Variants in CAST observed in about 807,000 individuals in gnomAD.
CAST encodes calpastatin, also known as MIR583 host.
A neutral mutation model predicts 119.6 loss-of-function variants in CAST; 76 were observed. The ratio of observed to expected loss-of-function variants is 0.64; its 90% CI spans 0.53 to 0.77. The LOEUF is 0.77. Among genes scored for constraint, CAST ranks in the 30% least tolerant of loss-of-function variants. CAST has a pLI of 0.00. For synonymous variants in CAST, 319 were observed against 331.6 expected (o/e 0.96, Z 0.41); for missense variants, 953 against 946.5 (o/e 1.01, Z -0.09).
the CAST span, among the ~76,000 whole-genome samples, chr5:96,019,332 C>T: frequency 2.6e-5 from 4 of 152,068 alleles, no homozygotes; most frequent in Non-Finnish European, 4.4e-5. Context: ...AATATCAGCA[C>T]GTATGATTTC....
the CAST span, among the ~76,000 whole-genome samples, chr5:96,285,198 A>G: frequency 6.6e-6 from 1 of 152,244 alleles, no homozygotes; most frequent in Non-Finnish European, 1.5e-5. Flanking sequence ...TACTGGGGAT[A>G]TAACAACACA....
At chr5:96,324,758 A>AT in the CAST span, among the ~76,000 whole-genome samples, 20 of 149,878 alleles carry the variant, frequency 1.3e-4, no homozygotes, top group Middle Eastern at 3.5e-3. Context: ...TTGAGAACTC[A>AT]TTTTTTTTTT....
At chr5:96,752,882 T>C (rs1765426770) in intron 20 of CAST, among the ~76,000 whole-genome samples, 1 of 151,850 alleles carries the variant, frequency 6.6e-6, no homozygotes, top group Non-Finnish European at 1.5e-5. Context: ...AATTCATTGA[T>C]ATTGCAACCC....
chr5:96,262,655 G>A, the CAST span, among the ~76,000 whole-genome samples: 6 of 151,960 alleles, frequency 3.9e-5, no homozygotes, highest in South Asian at 2.1e-4. Flanking sequence ...TCAGCCTCCC[G>A]AGTAGCTGGG....
intron 16 of CAST, among the ~76,000 whole-genome samples, chr5:96,744,867 A>G (rs1040620532): frequency 6.6e-6 from 1 of 152,216 alleles, no homozygotes; most frequent in Admixed American, 6.5e-5. Context: ...CATCTACCAT[A>G]ACATAAAATA....
chr5:96,419,975 C>G, the CAST span, among the ~76,000 whole-genome samples: 3 of 151,978 alleles, frequency 2.0e-5, no homozygotes, highest in African/African-American at 7.3e-5. Flanking sequence ...GGGCCAGACC[C>G]AGGATCTGCC....
intron 1 of CAST, among the ~76,000 whole-genome samples, chr5:96,653,960 C>T (rs1423260708): frequency 6.7e-6 from 1 of 150,056 alleles, no homozygotes; most frequent in Non-Finnish European, 1.5e-5. Flanking sequence ...CCTTTTTCTT[C>T]TTCTTCCCCT....
the CAST span, among the ~76,000 whole-genome samples, chr5:96,511,924 C>T: frequency 6.5e-3 from 987 of 152,302 alleles, 12 homozygotes; most frequent in African/African-American, 0.023. Flanking sequence ...TTCCTCCTGG[C>T]CCGGTTACCT....
chr5:96,000,053 C>T, the CAST span, among the ~76,000 whole-genome samples: 1 of 152,084 alleles, frequency 6.6e-6, no homozygotes, highest in African/African-American at 2.4e-5. Context: ...TGCATATCTT[C>T]TTTAGTGAAA....
chr5:96,357,053 T>G, the CAST span, among the ~76,000 whole-genome samples: 1 of 152,174 alleles, frequency 6.6e-6, no homozygotes, highest in Non-Finnish European at 1.5e-5. Flanking sequence ...TTCACATCCC[T>G]TGTAAGTTGC....
the CAST span, chr5:96,394,861 G>C: frequency 6.2e-7 from 1 of 1,613,878 alleles, no homozygotes; most frequent in East Asian, 2.2e-5. Context: ...GAGCCACACA[G>C]ACCTCCCCTG....
the CAST span, among the ~76,000 whole-genome samples, chr5:96,103,984 T>G: frequency 1.3e-5 from 2 of 152,230 alleles, no homozygotes. Context: ...GTGTGAAAAT[T>G]TCACTGATGG....
At chr5:96,123,709 A>C in the CAST span, among the ~76,000 whole-genome samples, 1 of 152,188 alleles carries the variant, frequency 6.6e-6, no homozygotes, top group Non-Finnish European at 1.5e-5. Context: ...TTTTAACAGT[A>C]AATTCAACAA....
At chr5:96,519,958 T>G in the CAST span, among the ~76,000 whole-genome samples, 8 of 152,210 alleles carry the variant, frequency 5.3e-5, no homozygotes, top group Non-Finnish European at 1.0e-4. Context: ...ACTATTTATT[T>G]GCATTCTGTC....
the CAST span, among the ~76,000 whole-genome samples, chr5:96,106,401 C>T: frequency 6.6e-6 from 1 of 152,074 alleles, no homozygotes; most frequent in Non-Finnish European, 1.5e-5. Context: ...TGAATGCGTC[C>T]CAGAGATTCT....
chr5:96,675,475 G>T (rs980218375), intron 1 of CAST, 64 bp from the exon 2 acceptor site: 1 of 1,166,026 alleles, frequency 8.6e-7, no homozygotes, highest in Non-Finnish European at 1.3e-6. Flanking sequence ...AGCCTTTGGG[G>T]ATTAAAGTTA....
chr5:96,571,677 C>G (rs1746571243), intron 1 of CAST, among the ~76,000 whole-genome samples: 1 of 152,174 alleles, frequency 6.6e-6, no homozygotes, highest in South Asian at 2.1e-4. Context: ...TCTGTCAGGT[C>G]TCCATTCATT....
chr5:96,620,536 T>A (rs1747583776), intron 1 of CAST, among the ~76,000 whole-genome samples: 1 of 152,214 alleles, frequency 6.6e-6, no homozygotes, highest in Non-Finnish European at 1.5e-5. Flanking sequence ...CAGATGATTT[T>A]GTCCAACTGT....
the CAST span, among the ~76,000 whole-genome samples, chr5:96,182,163 T>C: frequency 1.3e-5 from 2 of 152,220 alleles, no homozygotes; most frequent in Non-Finnish European, 2.9e-5. Flanking sequence ...CTTCCTGATA[T>C]GTACTCCATG....
Sources: allele counts gnomAD v4.1 joint callset (sites outside exome capture counted in the v4.1 genomes callset), GRCh38; gene constraint gnomAD v4.1.1; transcripts MANE v1.5; gene names NCBI Gene and HGNC (gene_info 2026-07-23, HGNC 2026-07-21).